The following POPDC1 variants were observed in gnomAD, a reference collection of about 807,000 sequenced individuals.
POPDC1 encodes the protein popeye domain cAMP effector 1.
chr6:105,120,498 T>C, the POPDC1 span, among the ~76,000 whole-genome samples: 1 of 152,250 alleles, frequency 6.6e-6, no homozygotes. Flanking sequence ...ATAAATTTAC[T>C]TCTTATTAGG....
chr6:105,136,369 C>T, the POPDC1 span: 1 of 152,242 alleles, frequency 6.6e-6, no homozygotes, highest in Non-Finnish European at 1.5e-5. Flanking sequence ...TGACCTCGCT[C>T]CTTAAAGGAG....
the POPDC1 span, chr6:105,098,784 A>T: frequency 6.6e-6 from 1 of 152,246 alleles, no homozygotes; most frequent in East Asian, 1.9e-4. Context: ...TTTCAAGCCT[A>T]GGCTGTCATT....
the POPDC1 span, chr6:105,129,424 A>C: frequency 6.2e-7 from 1 of 1,612,646 alleles, no homozygotes; most frequent in Non-Finnish European, 8.5e-7. Flanking sequence ...AAATGTTGAC[A>C]CCCAAGAACA....
At chr6:105,131,103 T>C in the POPDC1 span, among the ~76,000 whole-genome samples, 16,079 of 152,184 alleles carry the variant, frequency 0.11, 1,102 homozygotes, top group African/African-American at 0.19. Context: ...ACATTTAAAA[T>C]AAAACTATCA....
the POPDC1 span, among the ~76,000 whole-genome samples, chr6:105,108,867 C>T: frequency 6.6e-6 from 1 of 152,214 alleles, no homozygotes; most frequent in African/African-American, 2.4e-5. Flanking sequence ...TAAAAGAGAA[C>T]ATATAACTTG....
At chr6:105,130,851 T>C in the POPDC1 span, among the ~76,000 whole-genome samples, 1 of 152,246 alleles carries the variant, frequency 6.6e-6, no homozygotes, top group African/African-American at 2.4e-5. Context: ...AACTGTATTA[T>C]AAAATGTGAA....
the POPDC1 span, among the ~76,000 whole-genome samples, chr6:105,126,429 C>CA: frequency 0.053 from 6,811 of 129,056 alleles, 380 homozygotes; most frequent in African/African-American, 0.16. Flanking sequence ...AACACTGTCT[C>CA]AAAAAAAAAA....
At chr6:105,126,151 G>A in the POPDC1 span, among the ~76,000 whole-genome samples, 1 of 151,732 alleles carries the variant, frequency 6.6e-6, no homozygotes, top group African/African-American at 2.4e-5. Context: ...GCTTGAACCC[G>A]GGAGGTGGAG....
chr6:105,126,881 T>C, the POPDC1 span, among the ~76,000 whole-genome samples: 1 of 152,196 alleles, frequency 6.6e-6, no homozygotes, highest in East Asian at 1.9e-4. Context: ...AGAAGTTTCA[T>C]TGTAAGCTAA....
At chr6:105,135,035 C>T in the POPDC1 span, among the ~76,000 whole-genome samples, 1 of 152,114 alleles carries the variant, frequency 6.6e-6, no homozygotes, top group Non-Finnish European at 1.5e-5. Context: ...ATGAGGTATC[C>T]TCTATCACTC....
the POPDC1 span, among the ~76,000 whole-genome samples, chr6:105,125,937 T>C: frequency 6.6e-6 from 1 of 151,894 alleles, no homozygotes; most frequent in Non-Finnish European, 1.5e-5. Flanking sequence ...GTCACGCCTG[T>C]AATCCCAGCA....
chr6:105,121,507 ATCCACC>A, the POPDC1 span, among the ~76,000 whole-genome samples: 1 of 152,026 alleles, frequency 6.6e-6, no homozygotes, highest in Non-Finnish European at 1.5e-5. Context: ...ACCTCAGGTG[ATCCACC>A]CGCCTCAGCC....
At chr6:105,105,685 G>A in the POPDC1 span, among the ~76,000 whole-genome samples, 137,261 of 152,290 alleles carry the variant, frequency 0.9, 62,304 homozygotes, top group Non-Finnish European at 0.96. Flanking sequence ...GAATGCTCTT[G>A]CATTTCACAA....
chr6:105,127,029 A>C, the POPDC1 span, among the ~76,000 whole-genome samples: 1 of 152,192 alleles, frequency 6.6e-6, no homozygotes, highest in African/African-American at 2.4e-5. Context: ...GCCCAGCATT[A>C]GTCTCTGGAA....
chr6:105,100,903 G>A, the POPDC1 span: 3 of 497,558 alleles, frequency 6.0e-6, no homozygotes. Context: ...TACTTTAAAA[G>A]CTGACTAATA....
chr6:105,127,228 T>A, the POPDC1 span, among the ~76,000 whole-genome samples: 1 of 152,138 alleles, frequency 6.6e-6, no homozygotes, highest in Non-Finnish European at 1.5e-5. Flanking sequence ...AAAAGTAGAT[T>A]TATAGTATGA....
chr6:105,123,391 T>C, the POPDC1 span, among the ~76,000 whole-genome samples: 2 of 149,784 alleles, frequency 1.3e-5, no homozygotes, highest in East Asian at 3.9e-4. Flanking sequence ...TGGAGCAATT[T>C]GTTTTTTGTT....
the POPDC1 span, chr6:105,100,566 ATATGTATGTATGTATGTG>A: frequency 2.1e-5 from 3 of 142,010 alleles, no homozygotes; most frequent in African/African-American, 8.1e-5. Context: ...ATATATATAT[ATATGTATGTATGTATGTG>A]TGTGTGTGTG....
the POPDC1 span, among the ~76,000 whole-genome samples, chr6:105,110,838 C>T: frequency 6.6e-6 from 1 of 152,140 alleles, no homozygotes; most frequent in Non-Finnish European, 1.5e-5. Flanking sequence ...CGCATGCCAT[C>T]ACCTCCAGAT....
Sources: gnomAD v4.1 joint callset for allele counts (sites outside exome capture counted in the v4.1 genomes callset) on GRCh38, gnomAD v4.1.1 for gene constraint, MANE v1.5 for transcripts, NCBI Gene and HGNC (gene_info 2026-07-23, HGNC 2026-07-21) for gene names.